Variants in RBFOX3 observed in about 807,000 individuals in gnomAD.
RBFOX3 encodes RNA binding protein fox-1 homolog 3.
In RBFOX3, 17 loss-of-function variants were observed where a neutral mutation model predicts 48.7. That is an observed-to-expected ratio of 0.35 (90% CI 0.24 to 0.52). The LOEUF is 0.52. Ranked by LOEUF, RBFOX3 falls within the 20% of genes least tolerant of loss-of-function variation. The pLI is 0.94. For missense variants in RBFOX3, 382 were observed against 497.5 expected (o/e 0.77, Z 2.21); for synonymous variants, 212 against 209.5 (o/e 1.01, Z -0.10).
the RBFOX3 span, among the ~76,000 whole-genome samples, chr17:79,621,593 A>G: frequency 6.6e-6 from 1 of 152,226 alleles, no homozygotes; most frequent in Non-Finnish European, 1.5e-5. Flanking sequence ...ACAAGTGTCC[A>G]TGAACTTCTC....
intron 2 of RBFOX3, among the ~76,000 whole-genome samples, chr17:79,442,793 G>C (rs903066726): frequency 5.5e-4 from 84 of 152,188 alleles, no homozygotes; most frequent in African/African-American, 1.9e-3. Context: ...GAGAGGGTGA[G>C]GGGAGGACAC....
intron 1 of RBFOX3, among the ~76,000 whole-genome samples, chr17:79,502,187 G>A (rs1181934747): frequency 6.6e-6 from 1 of 152,198 alleles, no homozygotes; most frequent in South Asian, 2.1e-4. Context: ...AAATGAAAGG[G>A]CTTTGAAAAC....
At chr17:79,615,019 T>C (rs993719763), upstream of RBFOX3, among the ~76,000 whole-genome samples, 9 of 151,266 alleles carry the variant, frequency 5.9e-5, no homozygotes, top group Admixed American at 5.3e-4. Flanking sequence ...TCGATGGAAA[T>C]GATTCATATC....
chr17:79,156,711 G>C (rs1371048259), intron 4 of RBFOX3, among the ~76,000 whole-genome samples: 3 of 152,224 alleles, frequency 2.0e-5, no homozygotes, highest in Admixed American at 6.5e-5. Flanking sequence ...TTGCAGCAGA[G>C]GCTGTGTGGC....
At chr17:79,630,961 G>A in the RBFOX3 span, among the ~76,000 whole-genome samples, 3 of 152,054 alleles carry the variant, frequency 2.0e-5, no homozygotes, top group Non-Finnish European at 4.4e-5. Context: ...CCACGAGGTG[G>A]AGGCCACAGT....
chr17:79,386,742 G>A (rs9900390), intron 2 of RBFOX3, among the ~76,000 whole-genome samples: 3,769 of 152,090 alleles, frequency 0.025, 152 homozygotes, highest in African/African-American at 0.084. Context: ...CAGGCTACCC[G>A]GCCCCACCCC....
At chr17:79,355,535 C>T (rs976684674) in intron 2 of RBFOX3, among the ~76,000 whole-genome samples, 1 of 152,104 alleles carries the variant, frequency 6.6e-6, no homozygotes, top group Non-Finnish European at 1.5e-5. Flanking sequence ...GAGTTCAACG[C>T]ATGTTAGAAA....
chr17:79,097,245 C>T (rs1299339132), intron 11 of RBFOX3, 47 bp downstream of exon 11: 4 of 1,473,744 alleles, frequency 2.7e-6, no homozygotes, highest in South Asian at 1.3e-5. Flanking sequence ...CCCTCCTCCC[C>T]GCCGTCCTAC....
chr17:79,253,114 C>G (rs1335778958), intron 3 of RBFOX3, among the ~76,000 whole-genome samples: 1 of 152,142 alleles, frequency 6.6e-6, no homozygotes, highest in African/African-American at 2.4e-5. Flanking sequence ...CTTCTTTCAG[C>G]CCAAGTAGAT....
At chr17:79,154,665 G>A (rs748552755) in intron 4 of RBFOX3, among the ~76,000 whole-genome samples, 4 of 152,226 alleles carry the variant, frequency 2.6e-5, no homozygotes, top group Non-Finnish European at 4.4e-5. Context: ...CGGTCCCCAC[G>A]TGGCCGGGAG....
chr17:79,390,183 G>A lies in RBFOX3; in HGVS notation c.-174-82359C>T, dbSNP rs2061200628. 6.6e-6 allele frequency among the ~76,000 whole-genome samples: 1 copy of A among 152,370 alleles called. No individual in the cohort carries two copies. Among genetic ancestry groups the A allele is most frequent in the South Asian group, 2.1e-4 (1 of 4,832 alleles). On this transcript the variant is annotated intron_variant, in intron 2 of 14. Transcript: ENST00000693108. This position sits in a 1 kb window ranked among gnomAD's most constrained non-coding sequence, Gnocchi z 4.2. The stretch of plus-strand genomic sequence containing the variant: ...AAGGGCAAGTCCACAGAGTTCTGAG[G>A]TGTCCAACCTCCGGGACGCTGCACT...
At chr17:79,661,957 AC>A in the RBFOX3 span, among the ~76,000 whole-genome samples, 1 of 151,372 alleles carries the variant, frequency 6.6e-6, no homozygotes, top group Non-Finnish European at 1.5e-5. Context: ...TCTTAATTGT[AC>A]CCTTTGATTG....
At chr17:79,663,585 C>T in the RBFOX3 span, among the ~76,000 whole-genome samples, 41 of 152,326 alleles carry the variant, frequency 2.7e-4, no homozygotes, top group East Asian at 7.0e-3. Context: ...TTTGCCACTT[C>T]GCCCAGACCT....
intron 4 of RBFOX3, among the ~76,000 whole-genome samples, chr17:79,168,718 G>A (rs569622132): frequency 6.6e-6 from 1 of 152,224 alleles, no homozygotes; most frequent in Non-Finnish European, 1.5e-5. Flanking sequence ...GCCTCTCTGC[G>A]GGTGGCCCGG....
At chr17:79,593,310 A>G (rs2093475483) in intron 1 of RBFOX3, among the ~76,000 whole-genome samples, 1 of 140,898 alleles carries the variant, frequency 7.1e-6, no homozygotes, top group Non-Finnish European at 1.6e-5. Context: ...TCATGTGTGC[A>G]CGCCTGTACA....
chr17:79,090,658 C>G lies in RBFOX3; in HGVS notation c.*225G>C, dbSNP rs1056091085. ...GCTGCCAGCCAGGACGCGGTGGGGC[C>G]GTCCTGTCCTGGGGCCGCTCCTCGG... On this transcript the variant is annotated 3_prime_UTR_variant, in exon 15 of 15. Coordinates refer to ENST00000693108, the MANE Select transcript of RBFOX3 (RefSeq NM_001350451.2). The G allele has an allele frequency of 1.8e-6, 1 of 551,262 alleles. No individual in the cohort carries two copies. Among genetic ancestry groups the G allele is most frequent in the South Asian group, 2.6e-5 (1 of 38,804 alleles). The allele number at this position is 551,262 out of a possible 1,614,324, so 34.1% of individuals were successfully genotyped here.
intron 3 of RBFOX3, among the ~76,000 whole-genome samples, chr17:79,278,707 G>T (rs976370874): frequency 7.2e-5 from 11 of 152,230 alleles, no homozygotes; most frequent in African/African-American, 2.7e-4. Flanking sequence ...AGGCACCCCT[G>T]ACTTAAGCCT....
intron 4 of RBFOX3, among the ~76,000 whole-genome samples, chr17:79,221,570 C>T (rs962890311): frequency 9.2e-5 from 14 of 152,244 alleles, no homozygotes; most frequent in Non-Finnish European, 1.6e-4. Context: ...TGGAGGGTAA[C>T]TTGGGTCCCC....
chr17:79,368,280 A>G (rs2058061216), intron 2 of RBFOX3, among the ~76,000 whole-genome samples: 2 of 122,920 alleles, frequency 1.6e-5, no homozygotes, highest in Non-Finnish European at 1.8e-5. Context: ...GGGGTCCAGT[A>G]GGAGCAGCAG....
Sources: gnomAD v4.1 joint callset for allele counts (sites outside exome capture counted in the v4.1 genomes callset) on GRCh38, gnomAD v4.1.1 for gene constraint, Gnocchi (gnomAD v3.1) non-coding constraint, MANE v1.5 for transcripts, NCBI Gene and HGNC (gene_info 2026-07-23, HGNC 2026-07-21) for gene names.